Variants in IL12RB1 observed in about 807,000 individuals in gnomAD.
The protein encoded by IL12RB1 is interleukin-12 receptor subunit beta-1.
Under a neutral mutation model 94.4 loss-of-function variants are expected in IL12RB1, and 64 were observed. That is an observed-to-expected ratio of 0.68 (90% confidence interval 0.55 to 0.83). The LOEUF (loss-of-function observed/expected upper bound fraction) is 0.83. IL12RB1 is among the 40% of genes least tolerant of loss of function. The pLI is 0.00. For missense variants in IL12RB1, 814 were observed against 855.6 expected (o/e 0.95, Z 0.61); for synonymous variants, 362 against 355.5 (o/e 1.02, Z -0.21).
At position 18,080,815 on chromosome 19, in the gene IL12RB1, G is replaced by T. The variant is rs763961268; in HGVS notation, c.409+17C>A. ...TCTCTGGGTAAAAAACGGACGGGGG[G>T]AGAACAAGGTGCTAACCTGAGTTGT... is the stretch of plus-strand genomic sequence containing the variant. On this transcript the variant is annotated intron_variant, in intron 4 of 16. Transcript: ENST00000593993. The T allele has an allele frequency of 1.9e-6, 3 of 1,568,402 alleles. No homozygotes were observed. Among genetic ancestry groups the T allele is most frequent in the African/African-American group, 1.3e-5 (1 of 74,184 alleles).
chr19:18,062,981 G>A (rs1392113893), intron 13 of IL12RB1, among the ~76,000 whole-genome samples: 1 of 143,782 alleles, frequency 7.0e-6, no homozygotes, highest in East Asian at 2.0e-4. Context: ...CCCGACAACA[G>A]AGCCTGTGTT....
At chr19:18,093,301 T>A (rs1472315366) in intron 1 of IL12RB1, among the ~76,000 whole-genome samples, 1 of 150,964 alleles carries the variant, frequency 6.6e-6, no homozygotes, top group Non-Finnish European at 1.5e-5. Context: ...GCTGGACTTT[T>A]GTCTCAAAAA....
chr19:18,087,210 ATTT>A (rs10640856), upstream of IL12RB1, among the ~76,000 whole-genome samples: 1 of 135,540 alleles, frequency 7.4e-6, no homozygotes, highest in Admixed American at 7.3e-5. Flanking sequence ...TCTCTAGCCA[ATTT>A]TTTTTTTTTT....
upstream of IL12RB1, among the ~76,000 whole-genome samples, chr19:18,088,966 G>A (rs960561542): frequency 6.6e-6 from 1 of 151,710 alleles, no homozygotes; most frequent in African/African-American, 2.4e-5. Flanking sequence ...GGGAGGTAGA[G>A]GTTGCAGTGA....
rs1361882640 is a variant in IL12RB1, at chr19:18,066,703, A to G, written c.1328-6T>C. On this transcript the variant is annotated splice_polypyrimidine_tract_variant and splice_region_variant and intron_variant, in intron 11 of 16. Transcript: ENST00000593993. ...CGGTGTCCCAGCTGCTGAGGCTGCA[A>G]CCAGTACCATTGTCATAGTCAACAC... The G allele has an allele frequency of 5.0e-6, 8 of 1,606,608 alleles. No individual in the cohort carries two copies. Among genetic ancestry groups the G allele is most frequent in the Non-Finnish European group, 6.8e-6 (8 of 1,175,142 alleles).
At chr19:18,073,739 G>A in intron 7 of IL12RB1, 140 bp from the exon 8 acceptor site, 1 of 699,232 alleles carries the variant, frequency 1.4e-6, no homozygotes, top group East Asian at 2.7e-5. Flanking sequence ...AGAAAAAACT[G>A]AAGGAAGAAA....
At chr19:18,061,039 G>T in intron 15 of IL12RB1, 83 bp downstream of exon 15, 1 of 774,998 alleles carries the variant, frequency 1.3e-6, no homozygotes. Context: ...TGAATTGGGA[G>T]AGAATAAAAT....
At position 18,060,013 on chromosome 19, in the gene IL12RB1, A is replaced by G; in HGVS notation, c.1864T>C (p.Ser622Pro). 2.5e-6 allele frequency: 4 copies of G among 1,604,176 alleles called. No individual in the cohort carries two copies. Among genetic ancestry groups the G allele is most frequent in the Non-Finnish European group, 3.4e-6 (4 of 1,172,712 alleles). The change falls in exon 16 of 17, where the codon TCC becomes CCC. Residue 622 changes from serine to proline, a missense_variant. Ser to Pro is a moderately conservative substitution (Grantham distance 74). Transcript: ENST00000593993. The stretch of plus-strand genomic sequence containing the variant: ...TCAGTCCTCTCGCCTTTGTCCCAGG[A>G]CATCTCTACCACCAGGGCCTCCTGC... The part of the protein sequence containing the change: ...SLQEALVVEM[S>P]WDKGERTEPL...
intron 4 of IL12RB1, 104 bp downstream of exon 4, chr19:18,080,728 T>C (rs2035837184): frequency 3.7e-6 from 3 of 810,896 alleles, no homozygotes; most frequent in Non-Finnish European, 6.7e-6. Flanking sequence ...TGGCTAGTAG[T>C]ATCAAGTCCC....
At position 18,072,304 on chromosome 19, in the gene IL12RB1, C is replaced by G; in HGVS notation, c.829G>C (p.Gly277Arg). The G allele has an allele frequency of 6.2e-7, 1 of 1,614,064 alleles. No individual in the cohort carries two copies. Among genetic ancestry groups the G allele is most frequent in the Non-Finnish European group, 8.5e-7 (1 of 1,180,002 alleles). ...LPEGCQGLAP[G>R]TEVTYRLQLH... ...TGTAGTCGGTAAGTGACCTCCGTGC[C>G]AGGCGCCAGCCCTTGACAGCCTTCT... Residue 277 changes from glycine to arginine, a missense_variant, in exon 9 of 17, where the codon GGC becomes CGC. Transcript: ENST00000593993.
intron 3 of IL12RB1, among the ~76,000 whole-genome samples, 153 bp from the exon 4 acceptor site, chr19:18,081,154 C>G (rs17884740): frequency 0.1 from 15,620 of 151,846 alleles, 954 homozygotes; most frequent in East Asian, 0.28. Flanking sequence ...GGAGTGCAGT[C>G]GCGCAATCTC....
At chr19:18,071,988 C>G (rs1301563698) in intron 9 of IL12RB1, 124 bp downstream of exon 9, 3 of 722,552 alleles carry the variant, frequency 4.2e-6, no homozygotes, top group Non-Finnish European at 5.0e-6. Flanking sequence ...TTGATACACC[C>G]CTAAATCAGG....
At chr19:18,075,975 G>T in intron 6 of IL12RB1, 107 bp from the exon 7 acceptor site, 1 of 1,128,748 alleles carries the variant, frequency 8.9e-7, no homozygotes, top group Non-Finnish European at 1.3e-6. Flanking sequence ...ACAGAGCCAC[G>T]TGCTGGGTCC....
At chr19:18,097,717 C>A in intron 1 of IL12RB1, 1 of 1,020,454 alleles carries the variant, frequency 9.8e-7, no homozygotes, top group Non-Finnish European at 1.2e-6. Flanking sequence ...CCGGCCTGGC[C>A]AATGGCACCT....
intron 1 of IL12RB1, among the ~76,000 whole-genome samples, chr19:18,096,157 G>A (rs925773815): frequency 1.3e-5 from 2 of 152,024 alleles, no homozygotes; most frequent in African/African-American, 2.4e-5. Context: ...CAGGAAGATC[G>A]CTTGAGCCCG....
chr19:18,066,446 G>T (rs2034586939), intron 12 of IL12RB1, 96 bp downstream of exon 12: 1 of 863,278 alleles, frequency 1.2e-6, no homozygotes, highest in Non-Finnish European at 1.9e-6. Flanking sequence ...AAGGCCCAGA[G>T]AAGGACGGCA....
Position 18,093,086 on chromosome 19 carries a change from C to T in IL12RB1, c.-229-2317G>A, listed in dbSNP as rs550834775. ...TTGGGAGGCTGAGGTGGGTGGATCG[C>T]CTGAGGTCAGGAGTTTGAGACCAGC... On this transcript the variant is annotated intron_variant, in intron 1 of 4. Transcript: ENST00000594176. Among the ~76,000 whole-genome samples, 4 of 151,864 alleles carry T rather than the reference C, an allele frequency of 2.6e-5. No individual in the cohort carries two copies. The East Asian group carries it at 7.8e-4, about 30-fold the overall frequency.
At chr19:18,081,055 C>T in intron 3 of IL12RB1, 54 bp from the exon 4 acceptor site, 1 of 1,501,448 alleles carries the variant, frequency 6.7e-7, no homozygotes, top group Non-Finnish European at 9.2e-7. Context: ...GTGGACCCCA[C>T]AGCCGACTTT....
At chr19:18,084,572 C>T (rs1599567845) in intron 1 of IL12RB1, among the ~76,000 whole-genome samples, 1 of 151,112 alleles carries the variant, frequency 6.6e-6, no homozygotes, top group African/African-American at 2.4e-5. Flanking sequence ...CATCTAGTCA[C>T]CAATCTATCC....
Sources: gnomAD v4.1 joint callset for allele counts (sites outside exome capture counted in the v4.1 genomes callset) on GRCh38, gnomAD v4.1.1 for gene constraint, MANE v1.5 for transcripts, NCBI Gene and HGNC (gene_info 2026-07-23, HGNC 2026-07-21) for gene names.